The following PRKN variants were observed in gnomAD, a reference collection of about 807,000 sequenced individuals.
The protein encoded by PRKN is parkin RBR E3 ubiquitin protein ligase, also known as E3 ubiquitin-protein ligase parkin.
A neutral mutation model predicts 59.5 loss-of-function variants in PRKN; 56 were observed. That is an observed-to-expected ratio of 0.94 (90% CI 0.76 to 1.18). The LOEUF (loss-of-function observed/expected upper bound fraction) is 1.18, where lower values mean the gene tolerates loss of function less well. Among genes scored for constraint, PRKN ranks in the 50% most tolerant of loss-of-function variants. PRKN has a pLI of 0.00. For missense variants in PRKN, 657 were observed against 596.4 expected, an observed-to-expected ratio of 1.10 and a Z score of -1.06; for synonymous variants, 250 against 222.1, an observed-to-expected ratio of 1.13 and a Z score of -1.12.
At chr6:162,601,188 C>T (rs1454081311) in intron 1 of PRKN, among the ~76,000 whole-genome samples, 1 of 152,098 alleles carries the variant, frequency 6.6e-6, no homozygotes, top group African/African-American at 2.4e-5. Context: ...TTGGGCCTCT[C>T]TTCTTCTAAA....
intron 1 of PRKN, among the ~76,000 whole-genome samples, chr6:162,626,276 T>C (rs775584389): frequency 2.6e-5 from 4 of 152,184 alleles, no homozygotes; most frequent in Non-Finnish European, 5.9e-5. Context: ...CTAATGCATT[T>C]GTGTAATGTT....
chr6:162,568,098 T>C (rs1780155281), intron 1 of PRKN, among the ~76,000 whole-genome samples: 1 of 152,156 alleles, frequency 6.6e-6, no homozygotes, highest in South Asian at 2.1e-4. Context: ...TCTCTCACCA[T>C]ATATAAAAAT....
intron 7 of PRKN, among the ~76,000 whole-genome samples, chr6:161,678,811 C>T (rs118149085): frequency 0.035 from 5,344 of 152,234 alleles, 158 homozygotes; most frequent in Non-Finnish European, 0.052. Flanking sequence ...AGGCAATCCA[C>T]GCACCTTGGC....
intron 7 of PRKN, among the ~76,000 whole-genome samples, chr6:161,773,745 CTCTGCTAT>C (rs1308181131): frequency 6.6e-6 from 1 of 152,156 alleles, no homozygotes; most frequent in Non-Finnish European, 1.5e-5. Context: ...TTTTTATTCT[CTCTGCTAT>C]TCAGAACATT....
intron 4 of PRKN, among the ~76,000 whole-genome samples, chr6:162,118,906 T>C (rs1294435550): frequency 6.6e-6 from 1 of 152,162 alleles, no homozygotes; most frequent in Non-Finnish European, 1.5e-5. Context: ...CGTTTCTAAT[T>C]ATGATAATAA....
chr6:161,375,178 C>T (rs2114911508), intron 10 of PRKN, among the ~76,000 whole-genome samples: 1 of 152,292 alleles, frequency 6.6e-6, no homozygotes, highest in Admixed American at 6.5e-5. Flanking sequence ...GGAGGGAACC[C>T]CCCGGGGGTG....
intron 6 of PRKN, among the ~76,000 whole-genome samples, chr6:161,920,248 G>C (rs976278926): frequency 6.6e-6 from 1 of 152,056 alleles, no homozygotes; most frequent in African/African-American, 2.4e-5. Flanking sequence ...GCTGGGTGTG[G>C]TTGTGCAAAC....
chr6:161,553,447 T>C (rs909172609), intron 8 of PRKN, among the ~76,000 whole-genome samples: 1 of 152,102 alleles, frequency 6.6e-6, no homozygotes. Flanking sequence ...CTGTCCTCCT[T>C]TCTCCTCTTC....
chr6:161,812,373 A>G (rs1327154538), intron 6 of PRKN, among the ~76,000 whole-genome samples: 1 of 152,194 alleles, frequency 6.6e-6, no homozygotes, highest in Non-Finnish European at 1.5e-5. Flanking sequence ...TGGGCAACAG[A>G]GCAAAAGCCT....
intron 7 of PRKN, among the ~76,000 whole-genome samples, chr6:161,725,512 A>G (rs1283801519): frequency 6.6e-6 from 1 of 152,224 alleles, no homozygotes. Context: ...CAGGCAGGGA[A>G]GAGCCTGAAT....
intron 1 of PRKN, among the ~76,000 whole-genome samples, chr6:162,640,201 G>C (rs1777907443): frequency 6.6e-6 from 1 of 152,052 alleles, no homozygotes; most frequent in Non-Finnish European, 1.5e-5. Flanking sequence ...AACTAGTCTT[G>C]AGAACAGGCT....
At chr6:161,641,034 C>T (rs1783718892) in intron 7 of PRKN, among the ~76,000 whole-genome samples, 1 of 152,222 alleles carries the variant, frequency 6.6e-6, no homozygotes, top group South Asian at 2.1e-4. Flanking sequence ...TCTGACCAAA[C>T]CAACTCCATC....
chr6:161,811,067 A>C (rs1335472259), intron 6 of PRKN, among the ~76,000 whole-genome samples: 1 of 152,200 alleles, frequency 6.6e-6, no homozygotes, highest in Non-Finnish European at 1.5e-5. Context: ...ATATCATCAA[A>C]GTTTTTAAAG....
At chr6:162,698,808 C>A (rs1778057156) in intron 1 of PRKN, among the ~76,000 whole-genome samples, 1 of 152,128 alleles carries the variant, frequency 6.6e-6, no homozygotes, top group Non-Finnish European at 1.5e-5. Flanking sequence ...GAGCCTAAGT[C>A]CCTTAGTTTT....
intron 10 of PRKN, among the ~76,000 whole-genome samples, chr6:161,370,409 T>C (rs1304046289): frequency 1.5e-5 from 2 of 136,104 alleles, no homozygotes; most frequent in Non-Finnish European, 3.1e-5. Flanking sequence ...TGAAACCCCA[T>C]CTCTACTCAA....
chr6:161,590,211 G>A (rs1013346746), intron 7 of PRKN, among the ~76,000 whole-genome samples: 14 of 152,162 alleles, frequency 9.2e-5, no homozygotes, highest in Non-Finnish European at 1.9e-4. Flanking sequence ...CTTTGACCAA[G>A]TAATCCAAGT....
chr6:162,614,987 C>T (rs952202385), intron 1 of PRKN, among the ~76,000 whole-genome samples: 1 of 152,100 alleles, frequency 6.6e-6, no homozygotes, highest in Non-Finnish European at 1.5e-5. Context: ...TTATTCTCAC[C>T]AATTAACAGG....
At chr6:161,478,027 A>G (rs1439015624) in intron 9 of PRKN, among the ~76,000 whole-genome samples, 4 of 152,218 alleles carry the variant, frequency 2.6e-5, no homozygotes, top group Admixed American at 2.6e-4. Context: ...AGCAGTTGCA[A>G]TGTGTTCCAT....
chr6:162,378,570 A>T (rs903122805), intron 2 of PRKN, among the ~76,000 whole-genome samples: 1 of 152,252 alleles, frequency 6.6e-6, no homozygotes, highest in African/African-American at 2.4e-5. Context: ...TTCGTCTGCT[A>T]TAGTTAGTCT....
Sources: gnomAD v4.1 joint callset for allele counts (sites outside exome capture counted in the v4.1 genomes callset) on GRCh38, gnomAD v4.1.1 for gene constraint, MANE v1.5 for transcripts, NCBI Gene and HGNC (gene_info 2026-07-23, HGNC 2026-07-21) for gene names.